CCSER1: variants seen among roughly 807,000 people sequenced by gnomAD.
CCSER1 encodes the protein coiled-coil serine rich protein 1.
CCSER1 carries 41 observed loss-of-function variants against 82.0 expected under a neutral mutation model. The ratio of observed to expected loss-of-function variants is 0.50; its 90% CI spans 0.39 to 0.65. The LOEUF (loss-of-function observed/expected upper bound fraction) is 0.65. Ranked by LOEUF, CCSER1 falls within the 30% of genes least tolerant of loss-of-function variation. CCSER1 has a pLI of 0.00. For synonymous variants in CCSER1, 414 were observed against 383.9 expected (o/e 1.08, Z -0.92); for missense variants, 1,119 against 1,064.2 (o/e 1.05, Z -0.72).
At chr4:91,325,615 TG>T (rs1449360639) in intron 10 of CCSER1, among the ~76,000 whole-genome samples, 1 of 152,176 alleles carries the variant, frequency 6.6e-6, no homozygotes, top group African/African-American at 2.4e-5. Flanking sequence ...AGCAAGATTC[TG>T]GTAAAATAAA....
chr4:90,410,236 A>G (rs1754483223), intron 4 of CCSER1, among the ~76,000 whole-genome samples: 1 of 152,216 alleles, frequency 6.6e-6, no homozygotes, highest in South Asian at 2.1e-4. Context: ...ACAGAAAGTT[A>G]GCAAGGATAT....
chr4:91,305,722 C>T (rs1745011065), intron 10 of CCSER1, among the ~76,000 whole-genome samples: 1 of 148,616 alleles, frequency 6.7e-6, no homozygotes, highest in African/African-American at 2.5e-5. Flanking sequence ...AAATACCTAC[C>T]CAAGAGTGGG....
chr4:91,595,980 AAACT>A lies in CCSER1; in HGVS notation c.2218-2588_2218-2585del, dbSNP rs1187450778. Reference sequence around the variant, plus strand: ...AAAAAAAAAAAAACCAAGGGCAAAAAAACTAACATGTCAAAAACAAACTATGCTA... The same window carrying A: ...AAAAAAAAAAAAACCAAGGGCAAAAAAACATGTCAAAAACAAACTATGCTA... On this transcript the variant is annotated intron_variant, in intron 10 of 10. Coordinates refer to ENST00000509176, the MANE Select transcript of CCSER1 (RefSeq NM_001145065.2). Among the ~76,000 whole-genome samples the A allele has an allele frequency of 7.3e-5, 11 of 151,606 alleles. No individual in the cohort carries two copies. The South Asian group carries it at 1.2e-3, about 17-fold the overall frequency.
chr4:90,428,245 T>A (rs190673624), intron 4 of CCSER1, among the ~76,000 whole-genome samples: 212 of 151,970 alleles, frequency 1.4e-3, no homozygotes, highest in African/African-American at 4.8e-3. Context: ...CCTTTCTCTT[T>A]TTCCCTCTCC....
intron 10 of CCSER1, among the ~76,000 whole-genome samples, chr4:91,373,939 ATCAAATTAGCCAC>A (rs1750216993): frequency 6.6e-6 from 1 of 152,240 alleles, no homozygotes; most frequent in East Asian, 1.9e-4. Context: ...TGGATAAAAA[ATCAAATTAGCCAC>A]AACATTCTGT....
intron 8 of CCSER1, chr4:90,839,018 A>G (rs773038981): frequency 2.0e-5 from 32 of 1,612,386 alleles, no homozygotes; most frequent in African/African-American, 2.7e-5. Flanking sequence ...GATCTCAGCC[A>G]TATCGGGTTT....
chr4:91,032,428 A>G (rs946244814), intron 9 of CCSER1, among the ~76,000 whole-genome samples: 1 of 152,218 alleles, frequency 6.6e-6, no homozygotes, highest in Non-Finnish European at 1.5e-5. Flanking sequence ...AAAGGAAACG[A>G]TGTACATCAC....
chr4:91,387,569 T>A (rs1560632293), intron 10 of CCSER1, among the ~76,000 whole-genome samples: 1 of 152,070 alleles, frequency 6.6e-6, no homozygotes, highest in Non-Finnish European at 1.5e-5. Context: ...TGTTTAAGTA[T>A]CTAACTAATT....
chr4:90,721,778 A>C (rs2149367103), intron 6 of CCSER1, among the ~76,000 whole-genome samples: 1 of 151,784 alleles, frequency 6.6e-6, no homozygotes, highest in South Asian at 2.1e-4. Context: ...ACTGAAAAGC[A>C]AATGGGAAAA....
chr4:90,640,092 T>TAGGATAAGAAAAGATAAGCAATC (rs1726209561), intron 6 of CCSER1, among the ~76,000 whole-genome samples: 1 of 152,128 alleles, frequency 6.6e-6, no homozygotes, highest in Admixed American at 6.6e-5. Context: ...GAAAAGTAAG[T>TAGGATAAGAAAAGATAAGCAATC]AGGATAAGAA....
At chr4:90,981,624 C>CA (rs1178690075) in intron 9 of CCSER1, among the ~76,000 whole-genome samples, 1 of 151,810 alleles carries the variant, frequency 6.6e-6, no homozygotes, top group Non-Finnish European at 1.5e-5. Context: ...CACATACAGG[C>CA]ACTCAGTGAG....
chr4:91,558,634 T>A (rs1367106079), intron 10 of CCSER1, among the ~76,000 whole-genome samples: 2 of 151,632 alleles, frequency 1.3e-5, no homozygotes, highest in Non-Finnish European at 3.0e-5. Flanking sequence ...CTCAGAATTA[T>A]GGCAGGAAGT....
At chr4:91,365,550 C>T (rs968522543) in intron 10 of CCSER1, among the ~76,000 whole-genome samples, 2 of 152,068 alleles carry the variant, frequency 1.3e-5, no homozygotes, top group Non-Finnish European at 2.9e-5. Flanking sequence ...GAATCAGACT[C>T]TTTATAGCTG....
intron 9 of CCSER1, among the ~76,000 whole-genome samples, chr4:90,927,181 A>G (rs1729171433): frequency 6.6e-6 from 1 of 152,004 alleles, no homozygotes; most frequent in South Asian, 2.1e-4. Context: ...TGACAGGTTG[A>G]TTGACTTTAA....
intron 7 of CCSER1, among the ~76,000 whole-genome samples, chr4:90,762,659 G>A (rs1750585557): frequency 6.6e-6 from 1 of 152,046 alleles, no homozygotes; most frequent in Non-Finnish European, 1.5e-5. Flanking sequence ...TTAGATAAAA[G>A]CCCCAAATCC....
chr4:90,786,787 C>G (rs1373020876), intron 7 of CCSER1, among the ~76,000 whole-genome samples: 1 of 152,172 alleles, frequency 6.6e-6, no homozygotes, highest in Non-Finnish European at 1.5e-5. Context: ...TAATGCAATT[C>G]TGATGCTATC....
intron 2 of CCSER1, among the ~76,000 whole-genome samples, chr4:90,311,008 AATG>A (rs1307097200): frequency 1.3e-5 from 2 of 152,076 alleles, no homozygotes; most frequent in South Asian, 2.1e-4. Flanking sequence ...AGAATATGAT[AATG>A]ATGATGATAT....
intron 10 of CCSER1, among the ~76,000 whole-genome samples, chr4:91,207,434 T>C (rs1050539346): frequency 1.3e-5 from 2 of 151,864 alleles, no homozygotes; most frequent in Non-Finnish European, 2.9e-5. Flanking sequence ...TTTCTGTCCA[T>C]GTGTTTTCGT....
At chr4:91,356,186 C>T (rs1237740664) in intron 10 of CCSER1, among the ~76,000 whole-genome samples, 2 of 152,218 alleles carry the variant, frequency 1.3e-5, no homozygotes, top group African/African-American at 4.8e-5. Flanking sequence ...CTGGCCTTGG[C>T]CAGGGCCCTA....
Sources: gnomAD v4.1 joint callset for allele counts (sites outside exome capture counted in the v4.1 genomes callset) on GRCh38, gnomAD v4.1.1 for gene constraint, MANE v1.5 for transcripts, NCBI Gene and HGNC (gene_info 2026-07-23, HGNC 2026-07-21) for gene names.